Variants in USP40 observed in about 807,000 individuals in gnomAD.
USP40 encodes the protein ubiquitin carboxyl-terminal hydrolase 40.
In USP40, 143 loss-of-function variants were observed where a neutral mutation model predicts 166.2. The observed-to-expected ratio is 0.86, with a 90% CI of 0.75 to 0.99. USP40 has a LOEUF of 0.99. USP40 is among the 50% of genes least tolerant of loss of function. The probability of loss-of-function intolerance (pLI) is 0.00; values close to 1 mark genes in which losing one functional copy is unlikely to be tolerated. For missense variants in USP40, 1,444 were observed against 1,479.7 expected, an observed-to-expected ratio of 0.98 and a Z score of 0.40; for synonymous variants, 498 against 524.0, an observed-to-expected ratio of 0.95 and a Z score of 0.68.
chr2:233,481,246 C>T lies in USP40; in HGVS notation c.3556G>A (p.Gly1186Arg), dbSNP rs1476104969. Residue 1186 changes from glycine to arginine, a missense_variant, in exon 31 of 32, where the codon GGA becomes AGA. Gly to Arg is a moderately radical substitution (Grantham distance 125). Transcript: ENST00000678225. ...DDFSTIRDDT[G>R]KEKQKQRALG... Reference sequence around the variant, plus strand: ...GCCCGTTGTTTCTGCTTTTCTTTTCCAGTGTCATCTCTGATTGTACTGAAA... The same window carrying T: ...GCCCGTTGTTTCTGCTTTTCTTTTCTAGTGTCATCTCTGATTGTACTGAAA... 3.7e-6 allele frequency: 6 copies of T among 1,608,486 alleles called. No homozygotes were observed. Among genetic ancestry groups the T allele is most frequent in the Middle Eastern group, 1.7e-4 (1 of 6,056 alleles).
At chr2:233,563,417 C>T (rs1374203965) in intron 2 of USP40, among the ~76,000 whole-genome samples, 1 of 152,118 alleles carries the variant, frequency 6.6e-6, no homozygotes, top group Non-Finnish European at 1.5e-5. Context: ...TAGGTAGGAA[C>T]TCTTACTGGG....
At chr2:233,513,326 G>T (rs1224042324) in intron 18 of USP40, among the ~76,000 whole-genome samples, 6 of 152,066 alleles carry the variant, frequency 3.9e-5, no homozygotes, top group Non-Finnish European at 8.8e-5. Context: ...TTCTCTGTTG[G>T]TCAATTCCCT....
At chr2:233,535,213 A>G (rs1347889611) in intron 10 of USP40, among the ~76,000 whole-genome samples, 2 of 152,212 alleles carry the variant, frequency 1.3e-5, no homozygotes, top group East Asian at 3.9e-4. Flanking sequence ...AAATGGTAGA[A>G]TGGACAGCTC....
chr2:233,488,228 G>A lies in USP40; in HGVS notation c.3197+11C>T. 1 of 1,598,282 alleles carries A rather than the reference G, an allele frequency of 6.3e-7. No homozygotes were observed. Among genetic ancestry groups the A allele is most frequent in the Non-Finnish European group, 8.5e-7 (1 of 1,171,210 alleles). On this transcript the variant is annotated intron_variant, in intron 28 of 31. Transcript: ENST00000678225. ...TGTGTGTCACTTCAGATGCACAGGA[G>A]AATTTCTTACCCCAAGTTTTCGCCT... is the stretch of plus-strand genomic sequence containing the variant.
chr2:233,526,698 AC>A (rs1247818143), intron 13 of USP40, among the ~76,000 whole-genome samples: 4 of 152,130 alleles, frequency 2.6e-5, no homozygotes, highest in Admixed American at 1.3e-4. Flanking sequence ...GGAGAAAAAA[AC>A]CCTAGATGAA....
chr2:233,523,860 T>G (rs1387047071), intron 15 of USP40, among the ~76,000 whole-genome samples: 1 of 151,976 alleles, frequency 6.6e-6, no homozygotes, highest in Non-Finnish European at 1.5e-5. Flanking sequence ...CAGTATAGAT[T>G]CTCACTCTTC....
chr2:233,548,929 G>A (rs2070262525), intron 8 of USP40, among the ~76,000 whole-genome samples, 172 bp downstream of exon 8: 1 of 152,024 alleles, frequency 6.6e-6, no homozygotes, highest in African/African-American at 2.4e-5. Context: ...CTGTATGTGT[G>A]AAATTATTTA....
chr2:233,486,808 G>T lies in USP40; in HGVS notation c.3198-831C>A, dbSNP rs984180389. On this transcript the variant is annotated intron_variant, in intron 28 of 31. Transcript: ENST00000678225. This position sits in a 1 kb window ranked among gnomAD's most constrained non-coding sequence, Gnocchi z 4.0. ...AAGAGCAGAGGCTGCACAGCCCCAT[G>T]TCCCCATGGGGGAGGGGGCTGCTGG... Among the ~76,000 whole-genome samples, 1 of 152,202 alleles carries T rather than the reference G, an allele frequency of 6.6e-6. No homozygotes were observed. The highest frequency in any genetic ancestry group is 2.4e-5 in the African/African-American group (1 of 41,448).
chr2:233,542,442 A>G, intron 8 of USP40, 79 bp from the exon 9 acceptor site: 3 of 813,878 alleles, frequency 3.7e-6, no homozygotes, highest in Non-Finnish European at 5.8e-6. Context: ...CAGGCACAGT[A>G]GCTCACACCT....
intron 30 of USP40, among the ~76,000 whole-genome samples, chr2:233,484,166 C>T (rs2064798937): frequency 6.6e-6 from 1 of 152,136 alleles, no homozygotes; most frequent in South Asian, 2.1e-4. Context: ...TCAACAACAA[C>T]AACAAAAGAA....
chr2:233,505,083 G>T (rs80251782), intron 21 of USP40, among the ~76,000 whole-genome samples: 1 of 151,940 alleles, frequency 6.6e-6, no homozygotes, highest in Non-Finnish European at 1.5e-5. Context: ...AATTAAACAC[G>T]CTTCCAAAGA....
intron 30 of USP40, among the ~76,000 whole-genome samples, chr2:233,482,460 G>C (rs534256993): frequency 6.6e-6 from 1 of 152,078 alleles, no homozygotes; most frequent in Non-Finnish European, 1.5e-5. Flanking sequence ...ACCTATGGGC[G>C]AGTTATTCTA....
rs149298598 is a variant in USP40 at position 233,538,721 on chromosome 2, G to A, written c.1170+1941C>T. Among the ~76,000 whole-genome samples, 412 of 152,250 alleles carry A rather than the reference G, an allele frequency of 2.7e-3. 2 individuals carry two copies. Among genetic ancestry groups the A allele is most frequent in the African/African-American group, 9.4e-3 (391 of 41,552 alleles). ...TTTCAAGGCAAGGGATATTAGCAGA[G>A]ATAAAGACAAGCATTTCTGGTGTGG... On this transcript the variant is annotated intron_variant, in intron 10 of 31. Coordinates refer to ENST00000678225, the MANE Select transcript of USP40 (RefSeq NM_001365479.2).
At chr2:233,491,057 C>A (rs1213574632) in intron 26 of USP40, 110 bp downstream of exon 26, 2 of 875,268 alleles carry the variant, frequency 2.3e-6, no homozygotes, top group Admixed American at 4.0e-5. Flanking sequence ...ATGACAAATG[C>A]CATATCAGAA....
At position 233,527,398 on chromosome 2, in the gene USP40, CGATATTACCT is replaced by C. The variant is rs768548010; in HGVS notation, c.1724_1725+8del. The C allele has an allele frequency of 2.8e-5, 45 of 1,610,378 alleles. No individual in the cohort carries two copies. The highest frequency in any genetic ancestry group is 3.6e-5 in the Non-Finnish European group (43 of 1,179,064). On this transcript the variant is annotated splice_donor_variant and splice_donor_5th_base_variant and coding_sequence_variant and intron_variant, in exon 13 of 32. Transcript: ENST00000678225. LOFTEE classifies it high-confidence loss of function. ...ATGTCTGAATTAAGAGGAAGTAAGGCGATATTACCTGAAATATTGACTGCCGGAGATCTCC... is the reference window on the plus strand; with the variant it reads ...ATGTCTGAATTAAGAGGAAGTAAGGCGAAATATTGACTGCCGGAGATCTCC...
At chr2:233,521,160 C>T (rs2067624690) in intron 16 of USP40, 46 bp from the exon 17 acceptor site, 2 of 1,571,308 alleles carry the variant, frequency 1.3e-6, no homozygotes, top group South Asian at 2.4e-5. Context: ...TTTCCTTAGG[C>T]ATCACTTCCA....
At chr2:233,565,730 T>A (rs2072084208) in intron 1 of USP40, 157 bp from the exon 2 acceptor site, 1 of 640,900 alleles carries the variant, frequency 1.6e-6, no homozygotes, top group South Asian at 2.1e-5. Context: ...AAGATCTAGA[T>A]TTTTTTCATC....
At chr2:233,549,318 T>A in intron 7 of USP40, 89 bp from the exon 8 acceptor site, 1 of 840,038 alleles carries the variant, frequency 1.2e-6, no homozygotes, top group Non-Finnish European at 1.7e-6. Flanking sequence ...CTACTGAAAT[T>A]AATAAGAAAC....
Position 233,554,353 on chromosome 2 carries a change from TG to T in USP40, c.693+26del, listed in dbSNP as rs34657035. 3.3e-5 allele frequency: 52 copies of T among 1,579,318 alleles called. No homozygotes were observed. In the Middle Eastern group the frequency reaches 8.4e-4, roughly 26 times the overall value. On this transcript the variant is annotated intron_variant, in intron 6 of 31. Transcript: ENST00000678225. ...TGTACTAACTACAAAGTGGGGACCC[TG>T]GGAAAAAGCAGTTATCTGTCTTTAC...
Sources: allele counts gnomAD v4.1 joint callset (sites outside exome capture counted in the v4.1 genomes callset), GRCh38; gene constraint gnomAD v4.1.1; non-coding constraint Gnocchi (gnomAD v3.1); transcripts MANE v1.5; gene names NCBI Gene and HGNC (gene_info 2026-07-23, HGNC 2026-07-21).